Variants in FAM167A observed in about 807,000 individuals in gnomAD.
FAM167A encodes protein FAM167A.
A neutral mutation model predicts 14.9 loss-of-function variants in FAM167A; 23 were observed. That is an observed-to-expected ratio of 1.55 (90% CI 1.11 to 2.19). FAM167A has a LOEUF of 2.19. Ranked by LOEUF, FAM167A falls within the 30% of genes most tolerant of loss-of-function variation. FAM167A has a pLI of 0.00. For synonymous variants in FAM167A, 174 were observed against 117.7 expected (o/e 1.48, Z -3.10); for missense variants, 401 against 281.5 (o/e 1.42, Z -3.04).
intron 2 of FAM167A, among the ~76,000 whole-genome samples, chr8:11,427,667 T>C (rs983115568): frequency 5.3e-5 from 8 of 152,202 alleles, no homozygotes; most frequent in South Asian, 2.1e-4. Flanking sequence ...TTTTCCTCTC[T>C]CGTTTTTTAT....
intron 2 of FAM167A, among the ~76,000 whole-genome samples, chr8:11,436,050 C>T (rs1339692108): frequency 3.9e-5 from 6 of 152,208 alleles, no homozygotes; most frequent in Non-Finnish European, 7.3e-5. Context: ...GGGCGGGTCC[C>T]CAGCCCAAGC....
chr8:11,435,166 C>A (rs924148566), intron 2 of FAM167A: 2 of 455,990 alleles, frequency 4.4e-6, no homozygotes, highest in South Asian at 1.6e-5. Flanking sequence ...GATGCCCTTG[C>A]CCCCACAGGG....
intron 1 of FAM167A, among the ~76,000 whole-genome samples, chr8:11,449,287 C>T (rs575383210): frequency 2.6e-5 from 4 of 152,336 alleles, no homozygotes; most frequent in South Asian, 2.1e-4. Context: ...GGCGCAGGGA[C>T]GTGACAGCAG....
At chr8:11,433,726 C>T (rs888162482) in intron 2 of FAM167A, among the ~76,000 whole-genome samples, 6 of 152,188 alleles carry the variant, frequency 3.9e-5, no homozygotes, top group Non-Finnish European at 8.8e-5. Flanking sequence ...CTATCCCAGC[C>T]TAATAGCTAC....
At chr8:11,466,842 G>C (rs1265517753), upstream of FAM167A, 4 of 152,192 alleles carry the variant, frequency 2.6e-5, no homozygotes, top group African/African-American at 4.8e-5. Context: ...TCCGCCGCGA[G>C]CCTTTCACCG....
At chr8:11,475,207 T>C (rs1389804764) in intron 1 of FAM167A, among the ~76,000 whole-genome samples, 1 of 152,062 alleles carries the variant, frequency 6.6e-6, no homozygotes, top group Non-Finnish European at 1.5e-5. Flanking sequence ...TTCCTCGGCT[T>C]TTCCTCTGGG....
intron 1 of FAM167A, among the ~76,000 whole-genome samples, chr8:11,465,459 A>C (rs1027401780): frequency 6.6e-6 from 1 of 152,206 alleles, no homozygotes; most frequent in African/African-American, 2.4e-5. Flanking sequence ...GGATGGAGTG[A>C]CCAAGGGATG....
intron 1 of FAM167A, among the ~76,000 whole-genome samples, chr8:11,473,204 G>A (rs943352172): frequency 1.3e-5 from 2 of 152,178 alleles, no homozygotes; most frequent in African/African-American, 4.8e-5. Flanking sequence ...GGACACAGGG[G>A]CTCATTTCAT....
chr8:11,472,789 C>G (rs578028084), intron 1 of FAM167A, among the ~76,000 whole-genome samples: 2 of 152,296 alleles, frequency 1.3e-5, no homozygotes, highest in African/African-American at 4.8e-5. Context: ...GGATGGCTTT[C>G]TTTTCACTAG....
upstream of FAM167A, among the ~76,000 whole-genome samples, chr8:11,467,121 C>T (rs753243626): frequency 1.3e-3 from 201 of 152,270 alleles, no homozygotes; most frequent in Non-Finnish European, 2.2e-3. Flanking sequence ...GCCTCACCCA[C>T]CCCCAAACGG....
Position 11,424,419 on chromosome 8 carries a change from C to T in FAM167A, c.599G>A (p.Gly200Asp). 1.2e-6 allele frequency: 2 copies of T among 1,613,952 alleles called. No homozygotes were observed. Among genetic ancestry groups the T allele is most frequent in the Non-Finnish European group, 1.7e-6 (2 of 1,179,982 alleles). The change falls in exon 3 of 3, where the codon GGC becomes GAC. Residue 200 changes from glycine (G) to aspartate (D), a missense_variant. Gly to Asp is a moderately conservative substitution (Grantham distance 94). Coordinates refer to ENST00000284486, the MANE Select transcript of FAM167A (RefSeq NM_053279.3). Reference protein sequence around the residue: ...FSLSTPLKLIGVTKMNINSRR... With the variant: ...FSLSTPLKLIDVTKMNINSRR... ...AGAGTTGATGTTCATCTTGGTCACG[C>T]CAATAAGCTTGAGTGGTGTGGAGAG...
chr8:11,468,234 G>A (rs1330831322), upstream of FAM167A, among the ~76,000 whole-genome samples: 1 of 152,220 alleles, frequency 6.6e-6, no homozygotes, highest in African/African-American at 2.4e-5. Context: ...AGTCCTCTGA[G>A]GATTAACAGC....
At chr8:11,468,390 G>A (rs1807853147), upstream of FAM167A, among the ~76,000 whole-genome samples, 1 of 152,218 alleles carries the variant, frequency 6.6e-6, no homozygotes, top group African/African-American at 2.4e-5. Flanking sequence ...TGCCTCCTAA[G>A]GGAACCCCAG....
chr8:11,445,344 T>C, intron 1 of FAM167A: 1 of 986,256 alleles, frequency 1.0e-6, no homozygotes, highest in Non-Finnish European at 1.2e-6. Flanking sequence ...CCACAGGTCC[T>C]GTCCTCCAGC....
In FAM167A at chr8:11,449,915, G is replaced by A. The variant is rs146195124; in HGVS notation, c.-397-5107C>T. On this transcript the variant is annotated intron_variant, in intron 1 of 2. Coordinates refer to ENST00000284486, the MANE Select transcript of FAM167A (RefSeq NM_053279.3). ...GACCTAATCTGTTCACCTGGAAAAC[G>A]GTCACATCCACTTCCTCGATGGGCT... Among the ~76,000 whole-genome samples, 811 of 152,306 alleles carry A rather than the reference G, an allele frequency of 5.3e-3. 6 individuals are homozygous for A. The highest frequency in any genetic ancestry group is 0.018 in the African/African-American group (757 of 41,570).
At chr8:11,465,768 G>A (rs1324069722) in intron 1 of FAM167A, among the ~76,000 whole-genome samples, 1 of 149,908 alleles carries the variant, frequency 6.7e-6, no homozygotes, top group Non-Finnish European at 1.5e-5. Context: ...CCTGTGGATA[G>A]GACGTGATCT....
chr8:11,465,671 G>A (rs897522625), intron 1 of FAM167A, among the ~76,000 whole-genome samples: 7 of 152,192 alleles, frequency 4.6e-5, no homozygotes, highest in African/African-American at 1.7e-4. Context: ...CGCTCTCCAC[G>A]CTCCATCCCG....
At chr8:11,461,675 C>A (rs1807545354) in intron 1 of FAM167A, among the ~76,000 whole-genome samples, 1 of 152,252 alleles carries the variant, frequency 6.6e-6, no homozygotes, top group African/African-American at 2.4e-5. Context: ...TGGCATTGGC[C>A]TCAGCCTCCA....
rs2117087789 is a variant in FAM167A, at chr8:11,444,306, T to C, written c.106A>G (p.Lys36Glu). Residue 36 changes from lysine to glutamate, a missense_variant, in exon 2 of 3, where the codon AAA becomes GAA. Coordinates refer to ENST00000284486, the MANE Select transcript of FAM167A (RefSeq NM_053279.3). ...GGCCTGCGGGTCTCCAGCCTCAGTT[T>C]CTCGGTGAGGGCCTTCAGGCTCCGG... Reference protein sequence around the residue: ...HLRSLKALTEKLRLETRRPSY... With the variant: ...HLRSLKALTEELRLETRRPSY... 6.2e-7 allele frequency: 1 copy of C among 1,612,222 alleles called. No individual in the cohort carries two copies. The highest frequency in any genetic ancestry group is 1.3e-5 in the African/African-American group (1 of 74,986).
Sources: allele counts gnomAD v4.1 joint callset (sites outside exome capture counted in the v4.1 genomes callset), GRCh38; gene constraint gnomAD v4.1.1; transcripts MANE v1.5; gene names NCBI Gene and HGNC (gene_info 2026-07-23, HGNC 2026-07-21).